DDRGK1: variants seen among roughly 807,000 people sequenced by gnomAD.
DDRGK1 encodes DDRGK domain-containing protein 1.
Under a neutral mutation model 45.8 loss-of-function variants are expected in DDRGK1, and 38 were observed. That is an observed-to-expected ratio of 0.83 (90% CI 0.64 to 1.09). DDRGK1 has a LOEUF of 1.09. Among genes scored for constraint, DDRGK1 ranks in the 50% least tolerant of loss-of-function variants. The pLI, the probability that DDRGK1 is intolerant of heterozygous loss-of-function variation, is 0.00. For synonymous variants in DDRGK1, 171 were observed against 168.7 expected (o/e 1.01, Z -0.11); for missense variants, 403 against 419.9 (o/e 0.96, Z 0.35).
In DDRGK1 at chr20:3,191,225, C is replaced by A; in HGVS notation, c.743G>T (p.Arg248Leu). ...VGLRTQDTIN[R>L]IQDLLAEGTI... is the part of the protein sequence containing the mutation. Reference sequence around the variant, plus strand: ...CCCCTCAGCCAGCAGGTCCTGGATGCGATTTATGGTGTCCTATGAGGAGAA... The same window carrying A: ...CCCCTCAGCCAGCAGGTCCTGGATGAGATTTATGGTGTCCTATGAGGAGAA... The change falls in exon 8 of 9, where the codon CGC becomes CTC. Residue 248 changes from arginine to leucine, a missense_variant. Physicochemically the swap from Arg to Leu is moderately radical, Grantham distance 102. Coordinates refer to ENST00000354488, the MANE Select transcript of DDRGK1 (RefSeq NM_023935.3). 6.2e-7 allele frequency: 1 copy of A among 1,614,192 alleles called. No homozygotes were observed. The highest frequency in any genetic ancestry group is 8.5e-7 in the Non-Finnish European group (1 of 1,180,028).
intron 2 of DDRGK1, among the ~76,000 whole-genome samples, chr20:3,202,231 G>C (rs577810659): frequency 6.6e-6 from 1 of 152,208 alleles, no homozygotes; most frequent in African/African-American, 2.4e-5. Context: ...TGGAATTACA[G>C]GTGTGAGCCA....
rs146176449 is a variant in DDRGK1 at position 3,194,760 on chromosome 20, G to A, written c.672+70C>T. The A allele has an allele frequency of 1.7e-3, 2,697 of 1,595,720 alleles. 29 individuals are homozygous for A. In the African/African-American group the frequency reaches 0.031, roughly 19 times the overall value. On this transcript the variant is annotated intron_variant, in intron 6 of 8. Coordinates refer to ENST00000354488, the MANE Select transcript of DDRGK1 (RefSeq NM_023935.3). ...CCTGAATGCCCTGCCTGCAGCCCCC[G>A]CTGGAGGCATCCAACCTGCACATGC...
chr20:3,203,154 G>T (rs996737064), intron 2 of DDRGK1, 59 bp downstream of exon 2: 3 of 1,426,018 alleles, frequency 2.1e-6, no homozygotes, highest in African/African-American at 1.4e-5. Context: ...AGCTTTGGGG[G>T]CCCTTTTATC....
At position 3,191,114 on chromosome 20, in the gene DDRGK1, C is replaced by A. The variant is rs1434031556; in HGVS notation, c.778+76G>T. ...ATCTTGGGTGGTCATCCTGCCTCTG[C>A]AGCACATCCCTGCAGCCCCTGTGGC... On this transcript the variant is annotated intron_variant, in intron 8 of 8. Transcript: ENST00000354488. 3 of 1,586,804 alleles carry A rather than the reference C, an allele frequency of 1.9e-6. No individual in the cohort carries two copies. The African/African-American group carries it at 4.0e-5, about 21-fold the overall frequency.
intron 4 of DDRGK1, among the ~76,000 whole-genome samples, chr20:3,198,417 A>AC (rs2067021178): frequency 1.3e-5 from 2 of 150,388 alleles, no homozygotes; most frequent in African/African-American, 4.9e-5. Context: ...AAAAAAAAAA[A>AC]AAGCCTGGTG....
intron 8 of DDRGK1, 37 bp from the exon 9 acceptor site, chr20:3,190,856 T>C (rs2066986722): frequency 6.3e-7 from 1 of 1,582,370 alleles, no homozygotes; most frequent in African/African-American, 1.3e-5. Flanking sequence ...TGAGGCCTCC[T>C]GGGCGTTCCC....
At chr20:3,191,600 A>C (rs2295547) in intron 7 of DDRGK1, 165 bp downstream of exon 7, 283,420 of 874,814 alleles carry the variant, frequency 0.32, 47,179 homozygotes, top group South Asian at 0.43. Context: ...TCGTCCATTA[A>C]AAATGCAGGA....
chr20:3,200,480 T>C (rs1314319519), intron 2 of DDRGK1, 26 bp from the exon 3 acceptor site: 1 of 1,550,874 alleles, frequency 6.4e-7, no homozygotes, highest in South Asian at 1.2e-5. Context: ...GAAAGACAGT[T>C]CAGGTTCTGA....
chr20:3,200,538 T>C, intron 2 of DDRGK1, 84 bp from the exon 3 acceptor site: 1 of 1,249,314 alleles, frequency 8.0e-7, no homozygotes, highest in Non-Finnish European at 1.1e-6. Flanking sequence ...GTCCCTCCCC[T>C]AACAGGGGGA....
At position 3,190,835 on chromosome 20, in the gene DDRGK1, G is replaced by A. The variant is rs6139027; in HGVS notation, c.779-16C>T. On this transcript the variant is annotated splice_polypyrimidine_tract_variant and intron_variant, in intron 8 of 8. Coordinates refer to ENST00000354488, the MANE Select transcript of DDRGK1 (RefSeq NM_023935.3). ...TCAATCACACCTGTGGGGACATGCA[G>A]GTTGTGGGGCTGAGGCCTCCTGGGC... 3.7e-6 allele frequency: 6 copies of A among 1,604,574 alleles called. No homozygotes were observed. Among genetic ancestry groups the A allele is most frequent in the Non-Finnish European group, 5.1e-6 (6 of 1,174,866 alleles).
At chr20:3,194,057 C>T (rs1217724832) in intron 6 of DDRGK1, among the ~76,000 whole-genome samples, 1 of 152,134 alleles carries the variant, frequency 6.6e-6, no homozygotes, top group Non-Finnish European at 1.5e-5. Flanking sequence ...ACTTAAGAAC[C>T]CCAGACTCAA....
chr20:3,203,982 T>C (rs905499881), intron 1 of DDRGK1, among the ~76,000 whole-genome samples: 1 of 152,140 alleles, frequency 6.6e-6, no homozygotes, highest in African/African-American at 2.4e-5. Flanking sequence ...GTGTATCTGT[T>C]CTGTGCCCTG....
intron 5 of DDRGK1, 134 bp downstream of exon 5, chr20:3,195,097 G>T: frequency 1.3e-6 from 2 of 1,486,566 alleles, no homozygotes; most frequent in Non-Finnish European, 1.8e-6. Context: ...GGCCACTAAA[G>T]CCTGCTGGTA....
chr20:3,196,879 G>A (rs2067013296), intron 4 of DDRGK1, among the ~76,000 whole-genome samples: 1 of 151,470 alleles, frequency 6.6e-6, no homozygotes, highest in South Asian at 2.1e-4. Flanking sequence ...AACGTTACTG[G>A]ATTATAACAC....
intron 4 of DDRGK1, 42 bp from the exon 5 acceptor site, chr20:3,195,395 C>G: frequency 6.4e-7 from 1 of 1,552,840 alleles, no homozygotes; most frequent in South Asian, 1.2e-5. Context: ...GGGGGCAGAA[C>G]AGGGCAGGCA....
Position 3,190,775 on chromosome 20 carries a change from C to T in DDRGK1, c.823G>A (p.Glu275Lys), listed in dbSNP as rs1319488818. Reference protein sequence around the residue: ...RGKFIYITPEELAAVANFIRQ... With the variant: ...RGKFIYITPEKLAAVANFIRQ... ...ATGAAGTTGGCCACGGCGGCCAGTT[C>T]CTCTGGGGTTATGTAGATGAACTTG... The change falls in exon 9 of 9, where the codon GAA becomes AAA. Residue 275 changes from glutamate (E) to lysine (K), a missense_variant. By Grantham distance (56) the Glu-to-Lys change is moderately conservative. Coordinates refer to ENST00000354488, the MANE Select transcript of DDRGK1 (RefSeq NM_023935.3). 1.1e-5 allele frequency: 17 copies of T among 1,613,814 alleles called. No individual in the cohort carries two copies. Among genetic ancestry groups the T allele is most frequent in the Non-Finnish European group, 1.4e-5 (16 of 1,179,938 alleles).
At chr20:3,191,330 T>C in intron 7 of DDRGK1, 92 bp from the exon 8 acceptor site, 1 of 1,400,548 alleles carries the variant, frequency 7.1e-7, no homozygotes, top group Admixed American at 1.8e-5. Context: ...CAAATCTCTT[T>C]ATTTCCCTCT....
chr20:3,196,074 C>A (rs984645698), intron 4 of DDRGK1, among the ~76,000 whole-genome samples: 2 of 152,176 alleles, frequency 1.3e-5, no homozygotes, highest in Non-Finnish European at 2.9e-5. Context: ...CCAGTGACTA[C>A]CACACTTGTA....
Position 3,190,724 on chromosome 20 carries a change from C to A in DDRGK1, c.874G>T (p.Ala292Ser). 6.2e-7 allele frequency: 1 copy of A among 1,614,104 alleles called. No individual in the cohort carries two copies. Among genetic ancestry groups the A allele is most frequent in the Non-Finnish European group, 8.5e-7 (1 of 1,180,006 alleles). Residue 292 changes from alanine to serine, a missense_variant, in exon 9 of 9, where the codon GCC (alanine) becomes TCC (serine). Transcript: ENST00000354488. ...GAGTTGCTGGCTTGGGCAAGCTCGG[C>A]GATGGACACCCGGCCCCGCTGTCGG... ...FIRQRGRVSI[A>S]ELAQASNSLI...
Sources: gnomAD v4.1 joint callset for allele counts (sites outside exome capture counted in the v4.1 genomes callset) on GRCh38, gnomAD v4.1.1 for gene constraint, MANE v1.5 for transcripts, NCBI Gene and HGNC (gene_info 2026-07-23, HGNC 2026-07-21) for gene names.